The following PLA2G4C variants were observed in gnomAD, a reference collection of about 807,000 sequenced individuals.
PLA2G4C encodes the protein phospholipase A2 group IVC.
PLA2G4C carries 64 observed loss-of-function variants against 73.8 expected under a neutral mutation model. The ratio of observed to expected loss-of-function variants is 0.87; its 90% CI spans 0.71 to 1.07. The LOEUF (loss-of-function observed/expected upper bound fraction) is 1.07. PLA2G4C is among the 50% of genes least tolerant of loss of function. The pLI, the probability that PLA2G4C is intolerant of heterozygous loss-of-function variation, is 0.00. For missense variants in PLA2G4C, 622 were observed against 665.4 expected, an observed-to-expected ratio of 0.93 and a Z score of 0.72; for synonymous variants, 254 against 252.1, an observed-to-expected ratio of 1.01 and a Z score of -0.07.
Position 48,110,476 on chromosome 19 carries a change from C to A in PLA2G4C, c.-33+11G>T. 1 of 1,391,304 alleles carries A rather than the reference C, an allele frequency of 7.2e-7. No individual in the cohort carries two copies. Among genetic ancestry groups the A allele is most frequent in the Non-Finnish European group, 9.1e-7 (1 of 1,094,694 alleles). The allele number at this position is 1,391,304 out of a possible 1,614,324, so 86.2% of individuals were successfully genotyped here. A position where few individuals can be genotyped will look rare whatever the true frequency, so the allele number is the denominator to read the frequency against. On this transcript the variant is annotated intron_variant, in intron 1 of 16. Transcript: ENST00000599921. ...CGGGATGAAACAGCCCTCCCTGCCC[C>A]CACGGCTTGCCTGAGCCTGGGTCTG...
rs1309903668 is a variant in PLA2G4C at position 48,053,099 on chromosome 19, T to G, written c.1478A>C (p.Asp493Ala). 1 of 1,611,838 alleles carries G rather than the reference T, an allele frequency of 6.2e-7. No homozygotes were observed. The highest frequency in any genetic ancestry group is 8.5e-7 in the Non-Finnish European group (1 of 1,178,252). Residue 493 changes from aspartate to alanine, a missense_variant, in exon 16 of 17, where the codon GAC (aspartate) becomes GCC (alanine). Coordinates refer to ENST00000599921, the MANE Select transcript of PLA2G4C (RefSeq NM_003706.3). Reference sequence around the variant, plus strand: ...CACCACCACATCTAGAGTGTAGGTGTCAGCAAGCTTGAATGTGTCGTATGT... The same window carrying G: ...CACCACCACATCTAGAGTGTAGGTGGCAGCAAGCTTGAATGTGTCGTATGT... ...SDTYDTFKLA[D>A]TYTLDVVVLL...
chr19:48,052,848 G>A (rs2122422873), intron 16 of PLA2G4C, 149 bp downstream of exon 16: 1 of 742,458 alleles, frequency 1.3e-6, no homozygotes, highest in Non-Finnish European at 2.2e-6. Context: ...TTCATGGTCT[G>A]TCCCCTGCTG....
At chr19:48,090,728 C>G in intron 7 of PLA2G4C, 1 of 347,504 alleles carries the variant, frequency 2.9e-6, no homozygotes, top group South Asian at 3.7e-5. Context: ...GCCAACCCTT[C>G]TCAGCACACA....
chr19:48,067,305 CT>C (rs1202875610), intron 13 of PLA2G4C, among the ~76,000 whole-genome samples: 1 of 151,752 alleles, frequency 6.6e-6, no homozygotes, highest in Non-Finnish European at 1.5e-5. Flanking sequence ...GTAGCTGGGA[CT>C]ACAGGCACCC....
At chr19:48,067,101 G>A (rs1968458543) in intron 13 of PLA2G4C, among the ~76,000 whole-genome samples, 1 of 151,984 alleles carries the variant, frequency 6.6e-6, no homozygotes, top group Non-Finnish European at 1.5e-5. Context: ...TGAGTTCCCA[G>A]GAGTCTGACA....
chr19:48,089,407 ACT>A (rs1307871597), intron 8 of PLA2G4C, among the ~76,000 whole-genome samples: 2 of 152,128 alleles, frequency 1.3e-5, no homozygotes, highest in African/African-American at 4.8e-5. Flanking sequence ...ACAGAGCAAA[ACT>A]CTGTCTCAAA....
chr19:48,063,200 TGCTGAGCTA>T (rs1968261212), intron 13 of PLA2G4C, among the ~76,000 whole-genome samples: 1 of 152,222 alleles, frequency 6.6e-6, no homozygotes, highest in Non-Finnish European at 1.5e-5. Flanking sequence ...CCCGCCACCA[TGCTGAGCTA>T]ATTTTTGTAT....
Position 48,098,153 on chromosome 19 carries a change from T to G in PLA2G4C, c.554A>C (p.Glu185Ala), listed in dbSNP as rs756837211. Residue 185 changes from glutamate (E) to alanine (A), a missense_variant, in exon 6 of 17, where the codon GAG (glutamate) becomes GCG (alanine). Coordinates refer to ENST00000599921, the MANE Select transcript of PLA2G4C (RefSeq NM_003706.3). ...TGTTTGCTTACCTGGTGCTCTTGCCTCCTGCCAGGAAGGTTGCAGGTCATT... is the reference window on the plus strand; with the variant it reads ...TGTTTGCTTACCTGGTGCTCTTGCCGCCTGCCAGGAAGGTTGCAGGTCATT... ...IDNDLQPSWQ[E>A]ARAPETWFEF... 6.2e-7 allele frequency: 1 copy of G among 1,613,666 alleles called. No homozygotes were observed. The highest frequency in any genetic ancestry group is 8.5e-7 in the Non-Finnish European group (1 of 1,179,804).
At chr19:48,074,357 A>G (rs11564609) in intron 12 of PLA2G4C, 56,405 of 204,870 alleles carry the variant, frequency 0.28, 8,439 homozygotes, top group East Asian at 0.53. Flanking sequence ...GTGTATATGT[A>G]CCACATTTTC....
intron 14 of PLA2G4C, among the ~76,000 whole-genome samples, chr19:48,060,498 G>C (rs1968129952): frequency 6.6e-6 from 1 of 152,116 alleles, no homozygotes; most frequent in African/African-American, 2.4e-5. Context: ...GATAAGCATT[G>C]TTGTTAATCC....
chr19:48,086,111 G>A (rs1476670760), intron 9 of PLA2G4C, among the ~76,000 whole-genome samples: 1 of 152,220 alleles, frequency 6.6e-6, no homozygotes, highest in Non-Finnish European at 1.5e-5. Context: ...AAAGCAAGCT[G>A]CAGACACGTG....
chr19:48,073,426 C>G (rs2029926100), intron 12 of PLA2G4C, among the ~76,000 whole-genome samples: 1 of 151,950 alleles, frequency 6.6e-6, no homozygotes, highest in Non-Finnish European at 1.5e-5. Context: ...ATCTCGTCCT[C>G]TAGACCATGA....
intron 6 of PLA2G4C, among the ~76,000 whole-genome samples, chr19:48,096,228 G>A (rs114016683): frequency 0.017 from 2,572 of 152,232 alleles, 85 homozygotes; most frequent in African/African-American, 0.058. Flanking sequence ...TGGAAAGGAC[G>A]GAGTCAGCTG....
At chr19:48,050,367 A>G (rs1967678941) in intron 16 of PLA2G4C, among the ~76,000 whole-genome samples, 1 of 152,228 alleles carries the variant, frequency 6.6e-6, no homozygotes, top group Non-Finnish European at 1.5e-5. Context: ...CCAGAGGCCC[A>G]GAATGGCTTT....
chr19:48,099,808 C>T lies in PLA2G4C; in HGVS notation c.310G>A (p.Asp104Asn), dbSNP rs374427735. ...NDGDMEALEA[D>N]LKHRFTRQEW... ...TGTCGGGTAAATCGATGTTTCAGGT[C>T]AGCCTCGAGAGCTTCCATGTCACCA... Residue 104 changes from aspartate (D) to asparagine (N), a missense_variant, in exon 5 of 17, where the codon GAC (aspartate) becomes AAC (asparagine). Transcript: ENST00000599921. 1.2e-5 allele frequency: 20 copies of T among 1,613,922 alleles called. No individual in the cohort carries two copies. The highest frequency in any genetic ancestry group is 1.7e-5 in the Non-Finnish European group (20 of 1,179,870).
chr19:48,110,382 T>G (rs150792442), intron 1 of PLA2G4C, 105 bp downstream of exon 1: 2 of 696,646 alleles, frequency 2.9e-6, no homozygotes, highest in Admixed American at 7.3e-5. Context: ...TAAAATAAAA[T>G]AAAAAAGAAA....
chr19:48,090,687 T>G, intron 7 of PLA2G4C: 1 of 442,016 alleles, frequency 2.3e-6, no homozygotes, highest in Non-Finnish European at 4.1e-6. Flanking sequence ...GTAGACTGGC[T>G]ACCCCAAGGC....
chr19:48,051,448 T>G (rs1967721716), intron 16 of PLA2G4C, among the ~76,000 whole-genome samples: 1 of 152,212 alleles, frequency 6.6e-6, no homozygotes, highest in Admixed American at 6.5e-5. Context: ...CAAAAGTAGT[T>G]GTGGTTTTTG....
rs1261809269 is a variant in PLA2G4C, at chr19:48,110,754, C to T, written c.-300G>A. 8 of 430,042 alleles carry T rather than the reference C, an allele frequency of 1.9e-5. No individual in the cohort carries two copies. The highest frequency in any genetic ancestry group is 2.5e-5 in the Non-Finnish European group (6 of 242,996). 26.6% of individuals were successfully genotyped at this position (430,042 alleles called of 1,614,324 possible). The stretch of plus-strand genomic sequence containing the variant: ...GGCCAACCTGGAGGTAAAATGGCCC[C>T]TGCGCCTTTAAACAGCCCTCCTCGG... On this transcript the variant is annotated 5_prime_UTR_variant, in exon 1 of 17. Coordinates refer to ENST00000599921, the MANE Select transcript of PLA2G4C (RefSeq NM_003706.3).
Sources: gnomAD v4.1 joint callset for allele counts (sites outside exome capture counted in the v4.1 genomes callset) on GRCh38, gnomAD v4.1.1 for gene constraint, MANE v1.5 for transcripts, NCBI Gene and HGNC (gene_info 2026-07-23, HGNC 2026-07-21) for gene names.